CRACD: variants seen among roughly 807,000 people sequenced by gnomAD.
CRACD encodes capping protein-inhibiting regulator of actin dynamics.
Under a neutral mutation model 106.8 loss-of-function variants are expected in CRACD, and 56 were observed. The ratio of observed to expected loss-of-function variants is 0.52; its 90% CI spans 0.42 to 0.66. The LOEUF is 0.66. CRACD is among the 30% of genes least tolerant of loss of function. The pLI is 0.00. For synonymous variants in CRACD, 754 were observed against 670.8 expected, an observed-to-expected ratio of 1.12 and a Z score of -1.92; for missense variants, 1,730 against 1,623.2, an observed-to-expected ratio of 1.07 and a Z score of -1.13.
intron 3 of CRACD, among the ~76,000 whole-genome samples, chr4:56,278,711 C>T (rs1289072365): frequency 1.3e-5 from 2 of 152,012 alleles, no homozygotes. Context: ...AAACAATCCA[C>T]AGAATGGATG....
chr4:56,074,897 G>C (rs532474508), intron 1 of CRACD, among the ~76,000 whole-genome samples: 3 of 152,082 alleles, frequency 2.0e-5, no homozygotes, highest in African/African-American at 7.2e-5. Context: ...TAGCATGAAG[G>C]GGTATTGAAT....
intron 1 of CRACD, among the ~76,000 whole-genome samples, chr4:56,153,469 A>G (rs967174884): frequency 6.6e-6 from 1 of 151,872 alleles, no homozygotes; most frequent in African/African-American, 2.4e-5. Flanking sequence ...TACCTCCGAG[A>G]TGTGGTGTAT....
rs1212259942 is a variant in CRACD, at chr4:56,106,418, T to A, written c.-336+57119T>A. ...AAAAATAAACTCTGGAGACTGCTAG[T>A]GTTTAAAAGCACTCATCCTTATTGA... is the stretch of plus-strand genomic sequence containing the variant. On this transcript the variant is annotated intron_variant, in intron 1 of 10. Transcript: ENST00000682029. Among the ~76,000 whole-genome samples the A allele has an allele frequency of 3.9e-5, 6 of 152,226 alleles. 1 individual carries two copies. Among genetic ancestry groups the A allele is most frequent in the Non-Finnish European group, 7.3e-5 (5 of 68,040 alleles).
intron 2 of CRACD, chr4:56,246,475 C>A (rs1740689468): frequency 6.6e-6 from 1 of 152,350 alleles, no homozygotes; most frequent in Non-Finnish European, 1.5e-5. Flanking sequence ...TTGGATCCCC[C>A]ACTGGCTGTT....
At chr4:56,142,402 G>A (rs1251479985) in intron 1 of CRACD, among the ~76,000 whole-genome samples, 1 of 152,112 alleles carries the variant, frequency 6.6e-6, no homozygotes, top group African/African-American at 2.4e-5. Context: ...CCTTCTGAAA[G>A]TTTGTGCCTT....
chr4:56,314,782 A>G lies in CRACD; in HGVS notation c.1280A>G (p.Glu427Gly). 2 of 1,599,276 alleles carry G rather than the reference A, an allele frequency of 1.3e-6. No homozygotes were observed. The highest frequency in any genetic ancestry group is 2.3e-5 in the South Asian group (2 of 88,040). The change falls in exon 8 of 11, where the codon GAG becomes GGG. Residue 427 changes from glutamate (E) to glycine (G), a missense_variant. By Grantham distance (98) the Glu-to-Gly change is moderately conservative. Transcript: ENST00000682029. The surrounding 1 kb of genome is among the most constrained non-coding windows in gnomAD (Gnocchi z 4.4). Reference sequence around the variant, plus strand: ...CTCAGTGAGCTTCTGAACGACTTTGAGGAGAGGCTCGAAGACCAGGAACGC... The same window carrying G: ...CTCAGTGAGCTTCTGAACGACTTTGGGGAGAGGCTCGAAGACCAGGAACGC... ...GQLSELLNDF[E>G]ERLEDQERLK... is the part of the protein sequence containing the mutation.
intron 3 of CRACD, among the ~76,000 whole-genome samples, chr4:56,273,421 CCCTT>C (rs1490256000): frequency 1.6e-4 from 23 of 141,970 alleles, no homozygotes; most frequent in Admixed American, 1.1e-3. Flanking sequence ...TCCCTTTCTT[CCCTT>C]CCTTCCTTCC....
chr4:56,079,636 G>A (rs559241944), intron 1 of CRACD, among the ~76,000 whole-genome samples: 2 of 151,880 alleles, frequency 1.3e-5, no homozygotes, highest in African/African-American at 4.8e-5. Context: ...GTAGAGATGG[G>A]GTTTCACCAT....
chr4:56,232,441 A>G (rs1390917622), intron 2 of CRACD, among the ~76,000 whole-genome samples: 3 of 152,080 alleles, frequency 2.0e-5, no homozygotes, highest in African/African-American at 7.2e-5. Context: ...GCTTCTGTGA[A>G]TATTCTAGAT....
chr4:56,257,079 CT>C (rs566765737), intron 2 of CRACD, among the ~76,000 whole-genome samples: 17,371 of 114,340 alleles, frequency 0.15, 756 homozygotes, highest in Non-Finnish European at 0.21. Flanking sequence ...TTTTGATGTT[CT>C]TTTTTTTTTT....
chr4:56,275,795 G>A (rs1742640782), intron 3 of CRACD, among the ~76,000 whole-genome samples: 2 of 152,200 alleles, frequency 1.3e-5, no homozygotes, highest in South Asian at 4.1e-4. Context: ...GTGATTTTGG[G>A]TAGAGGTTAC....
rs771401267 is a variant in CRACD at position 56,315,728 on chromosome 4, T to C, written c.2226T>C (p.Ala742=). The change falls in exon 8 of 11, where the codon GCT becomes GCC. Residue 742 remains alanine (A), a synonymous_variant. Coordinates refer to ENST00000682029, the MANE Select transcript of CRACD (RefSeq NM_001393381.1). This position sits in a 1 kb window ranked among gnomAD's most constrained non-coding sequence, Gnocchi z 4.1. ...AGACCTCCAAACAGAGCACGGAAGC[T>C]GAAAGCATACGAAAAAGACCCATGC... ...GTETSKQSTE[A]ESIRKRPMLG... is the part of the protein sequence containing the mutation. The C allele has an allele frequency of 1.9e-6, 3 of 1,614,156 alleles. No individual in the cohort carries two copies. The South Asian group carries it at 3.3e-5, about 18-fold the overall frequency.
At chr4:56,100,004 A>G (rs1733727153) in intron 1 of CRACD, among the ~76,000 whole-genome samples, 1 of 152,162 alleles carries the variant, frequency 6.6e-6, no homozygotes, top group East Asian at 1.9e-4. Context: ...GCACTTTGGG[A>G]GGCCGAGACG....
chr4:56,261,959 A>T lies in CRACD; in HGVS notation c.-188-10362A>T, dbSNP rs79990827. 0.023 allele frequency among the ~76,000 whole-genome samples: 3,572 copies of T among 152,294 alleles called. 482 individuals carry two copies. In the East Asian group the frequency reaches 0.4, roughly 17 times the overall value. ...ATACTTTGCAAAATCATGAAATGAAAACCACAGGGATTATGGGGAAATGGG... is the reference window on the plus strand; with the variant it reads ...ATACTTTGCAAAATCATGAAATGAATACCACAGGGATTATGGGGAAATGGG... On this transcript the variant is annotated intron_variant, in intron 2 of 10. Coordinates refer to ENST00000682029, the MANE Select transcript of CRACD (RefSeq NM_001393381.1).
At chr4:56,094,725 A>T (rs1292793895) in intron 1 of CRACD, among the ~76,000 whole-genome samples, 2 of 152,176 alleles carry the variant, frequency 1.3e-5, no homozygotes, top group African/African-American at 4.8e-5. Context: ...AAGTGCTGGG[A>T]TTTCATGTAC....
intron 2 of CRACD, among the ~76,000 whole-genome samples, chr4:56,209,889 T>C (rs1225456726): frequency 6.6e-6 from 1 of 152,134 alleles, no homozygotes; most frequent in African/African-American, 2.4e-5. Context: ...CCAAGGTGGC[T>C]ATGAAGGGCA....
chr4:56,247,839 C>T (rs13140510), intron 2 of CRACD, among the ~76,000 whole-genome samples: 83,701 of 149,600 alleles, frequency 0.56, 24,038 homozygotes, highest in Middle Eastern at 0.68. Context: ...GAGTGAGACT[C>T]CATCTTACAG....
chr4:56,299,669 A>C (rs1049527873), intron 4 of CRACD, among the ~76,000 whole-genome samples: 18 of 139,138 alleles, frequency 1.3e-4, no homozygotes, highest in African/African-American at 4.5e-4. Flanking sequence ...GAGCTTGTCC[A>C]AAAAAAAAAA....
intron 1 of CRACD, among the ~76,000 whole-genome samples, chr4:56,115,980 T>G (rs1003221333): frequency 2.0e-5 from 3 of 152,200 alleles, no homozygotes; most frequent in Admixed American, 6.5e-5. Flanking sequence ...ATCAGCTCAT[T>G]TGTCTTCTTG....
Sources: gnomAD v4.1 joint callset for allele counts (sites outside exome capture counted in the v4.1 genomes callset) on GRCh38, gnomAD v4.1.1 for gene constraint, Gnocchi (gnomAD v3.1) non-coding constraint, MANE v1.5 for transcripts, NCBI Gene and HGNC (gene_info 2026-07-23, HGNC 2026-07-21) for gene names.